OSBPL1A: variants seen among roughly 807,000 people sequenced by gnomAD.
OSBPL1A encodes the protein oxysterol-binding protein-related protein 1.
Under a neutral mutation model 137.1 loss-of-function variants are expected in OSBPL1A, and 80 were observed. The observed-to-expected ratio is 0.58, with a 90% CI of 0.49 to 0.70. The LOEUF is 0.70. Among genes scored for constraint, OSBPL1A ranks in the 30% least tolerant of loss-of-function variants. OSBPL1A has a pLI of 0.00. For synonymous variants in OSBPL1A, 365 were observed against 389.7 expected, an observed-to-expected ratio of 0.94 and a Z score of 0.75; for missense variants, 970 against 1,129.4, an observed-to-expected ratio of 0.86 and a Z score of 2.02.
intron 21 of OSBPL1A, among the ~76,000 whole-genome samples, chr18:24,173,980 G>A (rs1272546375): frequency 6.6e-6 from 1 of 152,122 alleles, no homozygotes; most frequent in African/African-American, 2.4e-5. Flanking sequence ...TTTTCCAGAC[G>A]TCATATAAAT....
chr18:24,215,386 G>A (rs2087666421), intron 17 of OSBPL1A, among the ~76,000 whole-genome samples: 3 of 152,144 alleles, frequency 2.0e-5, no homozygotes, highest in Admixed American at 2.0e-4. Flanking sequence ...CACATTTTAT[G>A]CAATCAATGT....
intron 13 of OSBPL1A, among the ~76,000 whole-genome samples, chr18:24,309,626 T>C (rs2090576265): frequency 6.6e-6 from 1 of 152,124 alleles, no homozygotes; most frequent in Non-Finnish European, 1.5e-5. Flanking sequence ...CACTGGAACT[T>C]AAAAACTCAA....
At chr18:24,277,486 C>T (rs1324024472) in intron 15 of OSBPL1A, among the ~76,000 whole-genome samples, 1 of 152,130 alleles carries the variant, frequency 6.6e-6, no homozygotes, top group Admixed American at 6.6e-5. Flanking sequence ...CCAATATGAT[C>T]GCATTTACTC....
At chr18:24,389,758 T>C (rs989277063) in intron 1 of OSBPL1A, among the ~76,000 whole-genome samples, 3 of 152,000 alleles carry the variant, frequency 2.0e-5, no homozygotes, top group Non-Finnish European at 2.9e-5. Flanking sequence ...CTGGCCAACA[T>C]AGCGAAACCC....
chr18:24,337,115 TA>T (rs1256223304), intron 5 of OSBPL1A, among the ~76,000 whole-genome samples: 2 of 152,092 alleles, frequency 1.3e-5, no homozygotes, highest in Middle Eastern at 6.3e-3. Flanking sequence ...CTGACAGAAA[TA>T]CATATCCTGA....
At position 24,174,781 on chromosome 18, in the gene OSBPL1A, A is replaced by AT. The variant is rs1323595035; in HGVS notation, c.2094-2299dup. On this transcript the variant is annotated intron_variant, in intron 21 of 27. Coordinates refer to ENST00000319481, the MANE Select transcript of OSBPL1A (RefSeq NM_080597.4). ...TGAACATCTTTTTAAATTTTTATTT[A>AT]TTTTTTTTTAGAGATGAGGTCTTAT... Among the ~76,000 whole-genome samples the AT allele has an allele frequency of 6.3e-4, 95 of 150,458 alleles. 1 individual carries two copies. In the East Asian group the frequency reaches 9.5e-3, roughly 15 times the overall value.
intron 14 of OSBPL1A, among the ~76,000 whole-genome samples, chr18:24,290,237 G>A (rs1001037300): frequency 6.6e-6 from 1 of 152,170 alleles, no homozygotes; most frequent in Admixed American, 6.5e-5. Context: ...ATAATGTAGT[G>A]CAGAGTTTGA....
At chr18:24,202,233 C>T (rs773138701) in intron 17 of OSBPL1A, among the ~76,000 whole-genome samples, 3 of 152,146 alleles carry the variant, frequency 2.0e-5, no homozygotes, top group Non-Finnish European at 2.9e-5. Flanking sequence ...TCTTGCAAGT[C>T]GAAGCTACAC....
chr18:24,194,513 T>C (rs1220326028), intron 18 of OSBPL1A, among the ~76,000 whole-genome samples: 6 of 152,228 alleles, frequency 3.9e-5, no homozygotes, highest in Admixed American at 6.5e-5. Flanking sequence ...ATTTTTATCT[T>C]GAAATTTTCA....
At chr18:24,288,224 C>T (rs1238499728) in intron 14 of OSBPL1A, among the ~76,000 whole-genome samples, 2 of 152,154 alleles carry the variant, frequency 1.3e-5, no homozygotes, top group African/African-American at 2.4e-5. Context: ...AAACAACATA[C>T]GCTAAGACCC....
At chr18:24,272,002 T>C in intron 15 of OSBPL1A, 1 of 981,344 alleles carries the variant, frequency 1.0e-6, no homozygotes, top group Non-Finnish European at 1.2e-6. Context: ...CGGCAAGGCC[T>C]GCGGCGGGCG....
At chr18:24,269,224 T>C (rs1424272617) in intron 15 of OSBPL1A, among the ~76,000 whole-genome samples, 2 of 152,226 alleles carry the variant, frequency 1.3e-5, no homozygotes, top group South Asian at 2.1e-4. Context: ...TCTCATTAAA[T>C]CTGATTAAAA....
rs958828433 is a variant in OSBPL1A, at chr18:24,189,414, C to T, written c.1677+6711G>A. Among the ~76,000 whole-genome samples, 7 of 152,278 alleles carry T rather than the reference C, an allele frequency of 4.6e-5. No individual in the cohort carries two copies. The East Asian group carries it at 5.8e-4, about 13-fold the overall frequency. On this transcript the variant is annotated intron_variant, in intron 18 of 27. Coordinates refer to ENST00000319481, the MANE Select transcript of OSBPL1A (RefSeq NM_080597.4). The stretch of plus-strand genomic sequence containing the variant: ...AGCTTGTGGGCAGGGTGCTCCCCCG[C>T]GTGTGTGACCTAAGCCCTGGTGGGT...
chr18:24,165,283 AC>A, intron 26 of OSBPL1A, 128 bp from the exon 27 acceptor site: 1 of 861,776 alleles, frequency 1.2e-6, no homozygotes, highest in Non-Finnish European at 1.8e-6. Flanking sequence ...GAACACAAAT[AC>A]CAGAATCAAA....
intron 7 of OSBPL1A, among the ~76,000 whole-genome samples, chr18:24,327,046 C>A (rs1248071343): frequency 6.6e-6 from 1 of 151,006 alleles, no homozygotes; most frequent in Non-Finnish European, 1.5e-5. Flanking sequence ...CGGGTTTTTT[C>A]TTTTTTCCTA....
At chr18:24,312,157 A>G in intron 12 of OSBPL1A, 51 bp from the exon 13 acceptor site, 1 of 1,602,946 alleles carries the variant, frequency 6.2e-7, no homozygotes, top group Non-Finnish European at 8.5e-7. Flanking sequence ...TTTATTCCAA[A>G]GAGATAATAT....
chr18:24,285,848 G>A (rs1449006169), intron 14 of OSBPL1A, among the ~76,000 whole-genome samples: 4 of 152,052 alleles, frequency 2.6e-5, no homozygotes, highest in South Asian at 2.1e-4. Flanking sequence ...CTAAATGATT[G>A]AAGTCCATTT....
intron 4 of OSBPL1A, among the ~76,000 whole-genome samples, chr18:24,354,277 A>G (rs563578086): frequency 6.6e-6 from 1 of 152,292 alleles, no homozygotes; most frequent in South Asian, 2.1e-4. Flanking sequence ...GAGAACCCCC[A>G]GCTCACATCC....
intron 15 of OSBPL1A, among the ~76,000 whole-genome samples, chr18:24,259,496 ATAG>A (rs2089385764): frequency 6.6e-6 from 1 of 152,312 alleles, no homozygotes; most frequent in African/African-American, 2.4e-5. Flanking sequence ...TGTGCAAAGG[ATAG>A]TAGAACTAAT....
Sources: gnomAD v4.1 joint callset for allele counts (sites outside exome capture counted in the v4.1 genomes callset) on GRCh38, gnomAD v4.1.1 for gene constraint, MANE v1.5 for transcripts, NCBI Gene and HGNC (gene_info 2026-07-23, HGNC 2026-07-21) for gene names.